DPH6: variants seen among roughly 807,000 people sequenced by gnomAD.
DPH6 encodes diphthamine biosynthesis 6.
Under a neutral mutation model 38.2 loss-of-function variants are expected in DPH6, and 33 were observed. The observed-to-expected ratio is 0.86, with a 90% CI of 0.65 to 1.15. The LOEUF is 1.15. Among genes scored for constraint, DPH6 ranks in the 50% most tolerant of loss-of-function variants. The pLI is 0.00. For synonymous variants in DPH6, 108 were observed against 103.0 expected, an observed-to-expected ratio of 1.05 and a Z score of -0.30; for missense variants, 325 against 320.0, an observed-to-expected ratio of 1.02 and a Z score of -0.12.
intron 1 of DPH6, among the ~76,000 whole-genome samples, chr15:35,545,309 A>G (rs1254206819): frequency 6.6e-6 from 1 of 152,222 alleles, no homozygotes; most frequent in Non-Finnish European, 1.5e-5. Context: ...GAAATATTTA[A>G]GCAGGTTTGT....
chr15:35,476,439 T>C (rs2054264540), intron 3 of DPH6, among the ~76,000 whole-genome samples: 1 of 151,882 alleles, frequency 6.6e-6, no homozygotes, highest in Admixed American at 6.6e-5. Flanking sequence ...AGTAGGTTAT[T>C]AAAGAAATCA....
chr15:35,458,785 G>GC (rs2054027665), intron 3 of DPH6, among the ~76,000 whole-genome samples: 1 of 152,196 alleles, frequency 6.6e-6, no homozygotes, highest in African/African-American at 2.4e-5. Flanking sequence ...CAACTCAACT[G>GC]AGGTATAATC....
intron 3 of DPH6, among the ~76,000 whole-genome samples, chr15:35,222,633 G>A (rs1023827303): frequency 6.6e-6 from 1 of 152,078 alleles, no homozygotes; most frequent in Non-Finnish European, 1.5e-5. Context: ...CATATGAACT[G>A]GGGTACAGAA....
intron 3 of DPH6, among the ~76,000 whole-genome samples, chr15:35,473,955 T>C (rs1188276236): frequency 0.021 from 561 of 26,702 alleles, 5 homozygotes; most frequent in Middle Eastern, 0.036. Flanking sequence ...TGTGTGTGTG[T>C]GTGCGCGCGC....
At chr15:35,279,845 C>T (rs1455649871) in intron 3 of DPH6, among the ~76,000 whole-genome samples, 1 of 152,162 alleles carries the variant, frequency 6.6e-6, no homozygotes, top group Non-Finnish European at 1.5e-5. Flanking sequence ...GAAGCCCTAA[C>T]CCTCAACGTG....
At chr15:35,205,568 T>C in the DPH6 span, among the ~76,000 whole-genome samples, 1 of 152,106 alleles carries the variant, frequency 6.6e-6, no homozygotes, top group South Asian at 2.1e-4. Flanking sequence ...CTTATCAAAA[T>C]TTAGTATAGA....
intron 5 of DPH6, among the ~76,000 whole-genome samples, chr15:35,436,257 G>A (rs2053700546): frequency 3.3e-5 from 5 of 151,656 alleles, no homozygotes; most frequent in Admixed American, 3.3e-4. Context: ...ACGAGGTCAG[G>A]AGATCAAGAC....
intron 3 of DPH6, among the ~76,000 whole-genome samples, chr15:35,466,502 A>C (rs1379001779): frequency 6.6e-6 from 1 of 152,192 alleles, no homozygotes; most frequent in East Asian, 1.9e-4. Flanking sequence ...CATAAACAGG[A>C]GTATAACATT....
At chr15:35,522,320 A>G in intron 3 of DPH6, 1 of 1,586,568 alleles carries the variant, frequency 6.3e-7, no homozygotes, top group Non-Finnish European at 8.6e-7. Flanking sequence ...TCAGAGGTTT[A>G]GGATTGACCA....
At chr15:35,414,015 G>GA (rs1163614485) in intron 5 of DPH6, among the ~76,000 whole-genome samples, 2 of 151,486 alleles carry the variant, frequency 1.3e-5, no homozygotes, top group East Asian at 3.9e-4. Context: ...CCAGAACTTA[G>GA]TATGTTTTAA....
intron 1 of DPH6, among the ~76,000 whole-genome samples, chr15:35,543,745 T>A (rs556536189): frequency 6.6e-6 from 1 of 152,252 alleles, no homozygotes; most frequent in African/African-American, 2.4e-5. Context: ...AGGGCCAAAG[T>A]GAAGTTTTAA....
At chr15:35,500,654 G>A (rs1028631782) in intron 3 of DPH6, among the ~76,000 whole-genome samples, 4 of 152,110 alleles carry the variant, frequency 2.6e-5, no homozygotes, top group African/African-American at 9.7e-5. Context: ...CCAAATATGG[G>A]CAAGACAACA....
chr15:35,542,965 T>TATATATATATATATATATAAAA lies in DPH6; in HGVS notation c.24-459_24-458insTTTTATATATATATATATATAT, dbSNP rs58422347. Among the ~76,000 whole-genome samples, 28 of 76,170 alleles carry TATATATATATATATATATAAAA rather than the reference T, an allele frequency of 3.7e-4. 2 individuals carry two copies. The highest frequency in any genetic ancestry group is 1.2e-3 in the South Asian group (2 of 1,706). 50.0% of individuals were successfully genotyped at this position (76,170 alleles called of 152,430 possible). On this transcript the variant is annotated intron_variant, in intron 1 of 8. Transcript: ENST00000256538. ...TAAGGAATATATATATATATATATA[T>TATATATATATATATATATAAAA]AAAATAATTTCATAGAAATTATTGG...
intron 3 of DPH6, among the ~76,000 whole-genome samples, chr15:35,297,386 C>T (rs1412216624): frequency 6.7e-6 from 1 of 149,120 alleles, no homozygotes; most frequent in African/African-American, 2.5e-5. Flanking sequence ...TCTGTTGAAT[C>T]TGGTCTTGTC....
the DPH6 span, among the ~76,000 whole-genome samples, chr15:35,172,316 C>T: frequency 8.4e-3 from 1,279 of 152,280 alleles, 25 homozygotes; most frequent in African/African-American, 0.029. Flanking sequence ...TGAATTTATA[C>T]GCTACCGACA....
At chr15:35,179,204 C>CAAAAAAAAAAAAAAAAAAAAAAAAAA in the DPH6 span, among the ~76,000 whole-genome samples, 1 of 50,592 alleles carries the variant, frequency 2.0e-5, no homozygotes, top group Non-Finnish European at 3.9e-5. Flanking sequence ...ACAACTCTGT[C>CAAAAAAAAAAAAAAAAAAAAAAAAAA]AAAAAAAAAA....
At chr15:35,410,943 C>G (rs1426543331) in intron 5 of DPH6, 47 bp from the exon 6 acceptor site, 2 of 1,550,674 alleles carry the variant, frequency 1.3e-6, no homozygotes, top group Admixed American at 3.6e-5. Flanking sequence ...CAGATAGGAA[C>G]TTTAAAGACA....
chr15:35,396,343 C>T (rs548191387), intron 6 of DPH6: 52 of 151,392 alleles, frequency 3.4e-4, no homozygotes, highest in Non-Finnish European at 5.5e-4. Flanking sequence ...AAGCCCCATT[C>T]GACCTAACAG....
At chr15:35,357,936 C>G (rs2052579963) in intron 3 of DPH6, among the ~76,000 whole-genome samples, 1 of 152,196 alleles carries the variant, frequency 6.6e-6, no homozygotes, top group Non-Finnish European at 1.5e-5. Context: ...GGGTCTCTAG[C>G]AAGGCTGAGG....
Sources: gnomAD v4.1 joint callset for allele counts (sites outside exome capture counted in the v4.1 genomes callset) on GRCh38, gnomAD v4.1.1 for gene constraint, MANE v1.5 for transcripts, NCBI Gene and HGNC (gene_info 2026-07-23, HGNC 2026-07-21) for gene names.